LSM1: variants seen among roughly 807,000 people sequenced by gnomAD.
The protein encoded by LSM1 is U6 snRNA-associated Sm-like protein LSm1.
LSM1 carries 13 observed loss-of-function variants against 18.0 expected under a neutral mutation model. The ratio of observed to expected loss-of-function variants is 0.72; its 90% CI spans 0.47 to 1.15. The LOEUF (loss-of-function observed/expected upper bound fraction) is 1.15, where lower values mean the gene tolerates loss of function less well. Among genes scored for constraint, LSM1 ranks in the 50% most tolerant of loss-of-function variants. The pLI, the probability that LSM1 is intolerant of heterozygous loss-of-function variation, is 0.00. For synonymous variants in LSM1, 46 were observed against 56.0 expected, an observed-to-expected ratio of 0.82 and a Z score of 0.80; for missense variants, 152 against 157.7, an observed-to-expected ratio of 0.96 and a Z score of 0.19.
At chr8:38,166,371 G>A (rs1802929851) in intron 3 of LSM1, among the ~76,000 whole-genome samples, 1 of 152,072 alleles carries the variant, frequency 6.6e-6, no homozygotes, top group Non-Finnish European at 1.5e-5. Flanking sequence ...CTCTTGCCTT[G>A]GCCTCCCAAA....
intron 2 of LSM1, chr8:38,170,901 T>C (rs781696795): frequency 3.9e-5 from 12 of 304,380 alleles, no homozygotes; most frequent in Non-Finnish European, 7.6e-5. Flanking sequence ...AGGAGAAATC[T>C]ATGTTCATAT....
rs191471824 is a variant in LSM1 at position 38,169,521 on chromosome 8, A to G, written c.231+281T>C. 7.6e-4 allele frequency among the ~76,000 whole-genome samples: 116 copies of G among 152,356 alleles called. 1 individual carries two copies. The Middle Eastern group carries it at 0.048, about 63-fold the overall frequency. On this transcript the variant is annotated intron_variant, in intron 3 of 3. Coordinates refer to ENST00000311351, the MANE Select transcript of LSM1 (RefSeq NM_014462.3). ...AAACCACTTGTAACCAATTGTTTAA[A>G]TGACTGCAAAATATTCCAACGTATG...
chr8:38,163,960 G>A lies in LSM1; in HGVS notation c.232-120C>T, dbSNP rs368163182. 4.7e-6 allele frequency: 4 copies of A among 845,584 alleles called. No individual in the cohort carries two copies. In the African/African-American group the frequency reaches 5.1e-5, roughly 11 times the overall value. 52.4% of individuals were successfully genotyped at this position (845,584 alleles called of 1,614,324 possible). ...ATTTTTCATAACTGTGACAGGAACT[G>A]AAATATCCTTCTCCTAGGGACCGGT... On this transcript the variant is annotated intron_variant, in intron 3 of 3. Transcript: ENST00000311351.
chr8:38,171,921 G>C, intron 2 of LSM1, 44 bp downstream of exon 2: 1 of 1,391,732 alleles, frequency 7.2e-7, no homozygotes, highest in Non-Finnish European at 1.0e-6. Flanking sequence ...ATGGGCTGCT[G>C]TTATTATCCA....
chr8:38,176,134 C>T (rs1217066342), intron 1 of LSM1, 141 bp downstream of exon 1: 2 of 645,106 alleles, frequency 3.1e-6, no homozygotes, highest in African/African-American at 3.6e-5. Flanking sequence ...CTGTGGAGGA[C>T]ATCGACGCGG....
chr8:38,175,408 TCA>T (rs1172799039), intron 1 of LSM1, among the ~76,000 whole-genome samples: 1 of 152,220 alleles, frequency 6.6e-6, no homozygotes, highest in African/African-American at 2.4e-5. Context: ...AATTGCGTAT[TCA>T]CAGAGTAACT....
chr8:38,169,315 C>T (rs1468252719), intron 3 of LSM1, among the ~76,000 whole-genome samples: 2 of 152,188 alleles, frequency 1.3e-5, no homozygotes, highest in Admixed American at 6.5e-5. Context: ...AAAATACCCT[C>T]TCCCTGGCTG....
In LSM1 at chr8:38,176,429, G is replaced by A. The variant is rs992489933; in HGVS notation, c.-109C>T. ...TCGGTGGGACCAAGCCCGGAATCCCGACCGAGACCAGCACTTCTGCCCCGG... is the reference window on the plus strand; with the variant it reads ...TCGGTGGGACCAAGCCCGGAATCCCAACCGAGACCAGCACTTCTGCCCCGG... On this transcript the variant is annotated 5_prime_UTR_variant, in exon 1 of 4. Transcript: ENST00000311351. 2.4e-6 allele frequency: 2 copies of A among 847,996 alleles called. No homozygotes were observed. Among genetic ancestry groups the A allele is most frequent in the African/African-American group, 3.3e-5 (2 of 60,040 alleles). The allele number at this position is 847,996 out of a possible 1,614,324, so 52.5% of individuals were successfully genotyped here. A position where few individuals can be genotyped will look rare whatever the true frequency, so the allele number is the denominator to read the frequency against.
rs753461799 is a variant in LSM1 at position 38,176,352 on chromosome 8, G to T, written c.-32C>A. ...CTGAAATAATGCTGCAATGCACAGC[G>T]GCGGGAGGCCAGCGCGTCCAAAACC... is the stretch of plus-strand genomic sequence containing the variant. On this transcript the variant is annotated 5_prime_UTR_variant, in exon 1 of 4. Transcript: ENST00000311351. 8 of 1,593,566 alleles carry T rather than the reference G, an allele frequency of 5.0e-6. No individual in the cohort carries two copies. The Middle Eastern group carries it at 6.7e-4, about 132-fold the overall frequency.
chr8:38,169,260 G>C (rs969961209), intron 3 of LSM1, among the ~76,000 whole-genome samples: 1 of 152,134 alleles, frequency 6.6e-6, no homozygotes, highest in African/African-American at 2.4e-5. Context: ...CAGAAAATCT[G>C]ATTTAACCTT....
intron 3 of LSM1, 31 bp from the exon 4 acceptor site, chr8:38,163,871 C>T: frequency 6.2e-7 from 1 of 1,601,008 alleles, no homozygotes; most frequent in African/African-American, 1.3e-5. Context: ...AAAACTTCAC[C>T]TGAAGACCAA....
rs1361386264 is a variant in LSM1 at position 38,169,480 on chromosome 8, A to C, written c.231+322T>G. On this transcript the variant is annotated intron_variant, in intron 3 of 3. Transcript: ENST00000311351. ...GTACTTCCCTGAAATACTGTGCATTAGCTTTATGCCATGAAAAACCACTTG... is the reference window on the plus strand; with the variant it reads ...GTACTTCCCTGAAATACTGTGCATTCGCTTTATGCCATGAAAAACCACTTG... Among the ~76,000 whole-genome samples, 3 of 152,226 alleles carry C rather than the reference A, an allele frequency of 2.0e-5. No homozygotes were observed. In the East Asian group the frequency reaches 5.8e-4, roughly 29 times the overall value.
In LSM1 at chr8:38,173,971, A is replaced by G. The variant is rs1585643194; in HGVS notation, c.47-1938T>C. Among the ~76,000 whole-genome samples the G allele has an allele frequency of 2.0e-5, 3 of 152,344 alleles. No homozygotes were observed. The South Asian group carries it at 6.2e-4, about 32-fold the overall frequency. ...AATCACCAAGTACCAGTTGTTAGAG[A>G]AATCAAGAGAAGAGAATTAAAGAAT... On this transcript the variant is annotated intron_variant, in intron 1 of 3. Coordinates refer to ENST00000311351, the MANE Select transcript of LSM1 (RefSeq NM_014462.3).
chr8:38,168,554 G>T (rs1174370154), intron 3 of LSM1, among the ~76,000 whole-genome samples: 1 of 146,314 alleles, frequency 6.8e-6, no homozygotes, highest in Non-Finnish European at 1.5e-5. Flanking sequence ...TCATGCCATT[G>T]CACTCCAGCC....
Position 38,163,733 on chromosome 8 carries a change from T to G in LSM1, c.339A>C (p.Lys113Asn). 6.2e-7 allele frequency: 1 copy of G among 1,614,184 alleles called. No individual in the cohort carries two copies. The highest frequency in any genetic ancestry group is 1.7e-5 in the Admixed American group (1 of 60,014). The change falls in exon 4 of 4, where the codon AAA becomes AAC. Residue 113 changes from lysine to asparagine, a missense_variant. Lys to Asn is a moderately conservative substitution (Grantham distance 94). Coordinates refer to ENST00000311351, the MANE Select transcript of LSM1 (RefSeq NM_014462.3). ...GACCTCGGTCCTTCAGGGCCTGCAC[T>G]TTCAACTTCTCTGCTTCCAGCTTGG... ...QQTKLEAEKLKVQALKDRGLS... is the reference protein window; with the variant it reads ...QQTKLEAEKLNVQALKDRGLS...
At chr8:38,165,409 A>G (rs2843746) in intron 3 of LSM1, among the ~76,000 whole-genome samples, 22,272 of 151,934 alleles carry the variant, frequency 0.15, 2,074 homozygotes, top group East Asian at 0.29. Flanking sequence ...AAAAATACAC[A>G]CTCATCGTAG....
intron 3 of LSM1, among the ~76,000 whole-genome samples, chr8:38,165,121 G>A (rs1169008813): frequency 2.0e-5 from 3 of 152,116 alleles, no homozygotes; most frequent in African/African-American, 7.2e-5. Flanking sequence ...AGCCGAGGCG[G>A]GCAGATCACT....
intron 1 of LSM1, among the ~76,000 whole-genome samples, chr8:38,175,082 ATTT>A (rs757848283): frequency 3.2e-5 from 4 of 125,200 alleles, no homozygotes; most frequent in Non-Finnish European, 1.7e-5. Flanking sequence ...CCATAAAATG[ATTT>A]TTTTTTTTTT....
chr8:38,172,128 G>A (rs748242005), intron 1 of LSM1, 95 bp from the exon 2 acceptor site: 16 of 838,036 alleles, frequency 1.9e-5, no homozygotes, highest in Admixed American at 2.3e-5. Context: ...CCACTTCCTC[G>A]GCCAATGCAT....
Sources: gnomAD v4.1 joint callset for allele counts (sites outside exome capture counted in the v4.1 genomes callset) on GRCh38, gnomAD v4.1.1 for gene constraint, MANE v1.5 for transcripts, NCBI Gene and HGNC (gene_info 2026-07-23, HGNC 2026-07-21) for gene names.